ST6GAL1: variants seen among roughly 807,000 people sequenced by gnomAD.
ST6GAL1 encodes the protein beta-galactoside alpha-2,6-sialyltransferase 1.
Under a neutral mutation model 38.0 loss-of-function variants are expected in ST6GAL1, and 20 were observed. The observed-to-expected ratio is 0.53, with a 90% CI of 0.37 to 0.77. The LOEUF (loss-of-function observed/expected upper bound fraction) is 0.77, where lower values mean the gene tolerates loss of function less well. Ranked by LOEUF, ST6GAL1 falls within the 30% of genes least tolerant of loss-of-function variation. The pLI is 0.00. For missense variants in ST6GAL1, 432 were observed against 496.4 expected (o/e 0.87, Z 1.23); for synonymous variants, 196 against 188.2 (o/e 1.04, Z -0.34).
intron 2 of ST6GAL1, among the ~76,000 whole-genome samples, chr3:186,995,616 G>C (rs2108548897): frequency 6.6e-6 from 1 of 152,036 alleles, no homozygotes; most frequent in Non-Finnish European, 1.5e-5. Context: ...GGCTGAGGTG[G>C]GTGGATCACC....
chr3:187,024,482 A>G (rs1030351051), intron 2 of ST6GAL1, among the ~76,000 whole-genome samples: 130 of 61,124 alleles, frequency 2.1e-3, no homozygotes, highest in African/African-American at 7.9e-3. Flanking sequence ...GTGTATATAT[A>G]TATATATATA....
At chr3:186,996,348 G>A (rs997617622) in intron 2 of ST6GAL1, among the ~76,000 whole-genome samples, 6 of 152,182 alleles carry the variant, frequency 3.9e-5, no homozygotes, top group Non-Finnish European at 7.3e-5. Flanking sequence ...ATGTTATGAT[G>A]TAGAAAAGCC....
intron 1 of ST6GAL1, among the ~76,000 whole-genome samples, chr3:186,948,240 G>A (rs1233697597): frequency 2.0e-5 from 3 of 152,214 alleles, no homozygotes; most frequent in African/African-American, 7.2e-5. Flanking sequence ...GGCAGGCCCT[G>A]CCATGTCTGG....
At chr3:186,999,900 G>A (rs1303965542) in intron 2 of ST6GAL1, among the ~76,000 whole-genome samples, 2 of 146,808 alleles carry the variant, frequency 1.4e-5, no homozygotes, top group Non-Finnish European at 3.0e-5. Flanking sequence ...AGGCTGGAGT[G>A]GCTATTGTAG....
rs188688296 is a variant in ST6GAL1, at chr3:187,023,142, G to C, written c.-182-15600G>C. 3.9e-3 allele frequency among the ~76,000 whole-genome samples: 589 copies of C among 152,090 alleles called. 1 individual carries two copies. The highest frequency in any genetic ancestry group is 8.3e-3 in the Admixed American group (127 of 15,284). ...AAAGGAGTCCATTCAGTTGGTTAGT[G>C]GGGGGCTTAGGATTTTATTTTTGGT... On this transcript the variant is annotated intron_variant, in intron 2 of 7. Coordinates refer to ENST00000169298, the MANE Select transcript of ST6GAL1 (RefSeq NM_173216.2).
At chr3:187,025,585 G>T (rs745817261) in intron 2 of ST6GAL1, 5 of 152,232 alleles carry the variant, frequency 3.3e-5, no homozygotes, top group African/African-American at 1.2e-4. Flanking sequence ...TACAGAAAGG[G>T]AATTCATGGG....
At position 187,020,320 on chromosome 3, in the gene ST6GAL1, A is replaced by C. The variant is rs138305077; in HGVS notation, c.-182-18422A>C. On this transcript the variant is annotated intron_variant, in intron 2 of 7. Transcript: ENST00000169298. ...AAAAACAAACAAACAAACAAAAAAC[A>C]AAACACACCGTGGTTTCACCATTTA... Among the ~76,000 whole-genome samples the C allele has an allele frequency of 6.0e-3, 910 of 151,770 alleles. 8 individuals are homozygous for C. The highest frequency in any genetic ancestry group is 0.021 in the African/African-American group (871 of 41,382).
chr3:186,981,763 C>A (rs1715705794), intron 2 of ST6GAL1, among the ~76,000 whole-genome samples: 1 of 152,320 alleles, frequency 6.6e-6, no homozygotes, highest in Admixed American at 6.5e-5. Context: ...TATTTCCAAC[C>A]TCAGCTTTGA....
intron 1 of ST6GAL1, among the ~76,000 whole-genome samples, chr3:186,943,746 C>A (rs1714263318): frequency 6.6e-6 from 1 of 152,240 alleles, no homozygotes; most frequent in Non-Finnish European, 1.5e-5. Flanking sequence ...CCATGCCCGG[C>A]CTATTATCTC....
chr3:187,072,986 T>C, intron 6 of ST6GAL1, 39 bp downstream of exon 6: 1 of 1,499,334 alleles, frequency 6.7e-7, no homozygotes, highest in Non-Finnish European at 9.3e-7. Flanking sequence ...TTGAGTTTCC[T>C]GTCTGTCTAC....
intron 1 of ST6GAL1, among the ~76,000 whole-genome samples, chr3:186,948,045 G>T (rs1476771725): frequency 1.3e-5 from 2 of 152,198 alleles, no homozygotes; most frequent in African/African-American, 4.8e-5. Context: ...AGGGAGGGAG[G>T]AGGCAGGGAG....
intron 2 of ST6GAL1, among the ~76,000 whole-genome samples, chr3:187,006,739 AC>A (rs1313082576): frequency 1.3e-5 from 2 of 152,264 alleles, no homozygotes; most frequent in African/African-American, 4.8e-5. Flanking sequence ...ACTTTTAACC[AC>A]CATTGTGCTT....
In ST6GAL1 at chr3:186,952,478, C is replaced by G. The variant is rs2377934; in HGVS notation, c.-324-11307C>G. Among the ~76,000 whole-genome samples, 141,043 of 152,238 alleles carry G rather than the reference C, an allele frequency of 0.93. 65,404 individuals are homozygous for G. The highest frequency in any genetic ancestry group is 0.96 in the Middle Eastern group (283 of 294). On this transcript the variant is annotated intron_variant, in intron 1 of 7. Coordinates refer to ENST00000169298, the MANE Select transcript of ST6GAL1 (RefSeq NM_173216.2). The surrounding 1 kb of genome is among the most constrained non-coding windows in gnomAD (Gnocchi z 4.1). The stretch of plus-strand genomic sequence containing the variant: ...TAGGTTCTCCTTCTCAGTTCCTTTT[C>G]TTGGCTCATTTTCTTTTCTTTTCTT...
rs189016902 is a variant in ST6GAL1, at chr3:186,967,252, C to T, written c.-183+3326C>T. On this transcript the variant is annotated intron_variant, in intron 2 of 7. Coordinates refer to ENST00000169298, the MANE Select transcript of ST6GAL1 (RefSeq NM_173216.2). ...TGTTGCCCAGGCTGGAGTGCGGTGG[C>T]GCAATCTCAGCTCACTGCAACCTCC... 6.0e-4 allele frequency among the ~76,000 whole-genome samples: 91 copies of T among 152,208 alleles called. 2 individuals are homozygous for T. The highest frequency in any genetic ancestry group is 1.5e-3 in the East Asian group (8 of 5,174).
chr3:187,070,005 T>A (rs1210318025), intron 5 of ST6GAL1, among the ~76,000 whole-genome samples: 1 of 152,190 alleles, frequency 6.6e-6, no homozygotes, highest in Non-Finnish European at 1.5e-5. Context: ...GCATATGACT[T>A]CCACTTTATG....
chr3:187,026,721 A>G (rs1717549087), intron 2 of ST6GAL1, among the ~76,000 whole-genome samples: 1 of 152,094 alleles, frequency 6.6e-6, no homozygotes, highest in East Asian at 1.9e-4. Context: ...TTTTTTCCCA[A>G]TTCCTCTCAC....
intron 2 of ST6GAL1, among the ~76,000 whole-genome samples, chr3:186,983,390 CAAAG>C (rs1390499618): frequency 2.6e-5 from 4 of 152,008 alleles, no homozygotes; most frequent in African/African-American, 4.8e-5. Context: ...AATGAGAAAA[CAAAG>C]AGAGGGAGGC....
At chr3:187,017,762 G>T (rs545527955) in intron 2 of ST6GAL1, among the ~76,000 whole-genome samples, 18 of 152,274 alleles carry the variant, frequency 1.2e-4, no homozygotes, top group African/African-American at 4.1e-4. Flanking sequence ...TTGATAACAC[G>T]AAAACCACGA....
At position 187,075,249 on chromosome 3, in the gene ST6GAL1, C is replaced by G. The variant is rs1277495617; in HGVS notation, c.980-313C>G. Among the ~76,000 whole-genome samples, 1 of 152,202 alleles carries G rather than the reference C, an allele frequency of 6.6e-6. No individual in the cohort carries two copies. The highest frequency in any genetic ancestry group is 1.5e-5 in the Non-Finnish European group (1 of 68,030). ...GTCCTCTTTCTCCAAATAAATTATT[C>G]CATGGATACATTCATTGGCTGATTG... is the stretch of plus-strand genomic sequence containing the variant. On this transcript the variant is annotated intron_variant, in intron 7 of 7. Transcript: ENST00000169298. This position sits in a 1 kb window ranked among gnomAD's most constrained non-coding sequence, Gnocchi z 4.1.
Sources: gnomAD v4.1 joint callset for allele counts (sites outside exome capture counted in the v4.1 genomes callset) on GRCh38, gnomAD v4.1.1 for gene constraint, Gnocchi (gnomAD v3.1) non-coding constraint, MANE v1.5 for transcripts, NCBI Gene and HGNC (gene_info 2026-07-23, HGNC 2026-07-21) for gene names.